The following S100Z variants were observed in gnomAD, a reference collection of about 807,000 sequenced individuals.
S100Z encodes the protein protein S100-Z.
A neutral mutation model predicts 8.5 loss-of-function variants in S100Z; 11 were observed. The observed-to-expected ratio is 1.30, with a 90% CI of 0.82 to 2.15. S100Z has a LOEUF of 2.15. S100Z is among the 30% of genes most tolerant of loss of function. The pLI, the probability that S100Z is intolerant of heterozygous loss-of-function variation, is 0.00. For synonymous variants in S100Z, 34 were observed against 43.8 expected (o/e 0.78, Z 0.89); for missense variants, 126 against 117.9 (o/e 1.07, Z -0.32).
the S100Z span, among the ~76,000 whole-genome samples, chr5:76,942,094 C>G: frequency 6.6e-6 from 1 of 151,598 alleles, no homozygotes; most frequent in Non-Finnish European, 1.5e-5. Context: ...TGAATGGGAC[C>G]TACCATATAA....
At chr5:76,897,259 T>C (rs1744068056) in intron 4 of S100Z, among the ~76,000 whole-genome samples, 1 of 151,836 alleles carries the variant, frequency 6.6e-6, no homozygotes, top group Admixed American at 6.6e-5. Context: ...GAGACCATGG[T>C]GAAACCCCAT....
chr5:76,915,427 C>T (rs1053487109), intron 4 of S100Z, among the ~76,000 whole-genome samples: 1 of 151,390 alleles, frequency 6.6e-6, no homozygotes, highest in Non-Finnish European at 1.5e-5. Flanking sequence ...CATGGTGAAA[C>T]CCCCTCTCCA....
chr5:76,863,760 G>T (rs4704371), intron 1 of S100Z, among the ~76,000 whole-genome samples: 4 of 151,934 alleles, frequency 2.6e-5, no homozygotes, highest in Non-Finnish European at 5.9e-5. Flanking sequence ...GGATGGTCTC[G>T]ATCTCCTGAC....
At chr5:76,916,567 C>T (rs1744861047) in intron 4 of S100Z, among the ~76,000 whole-genome samples, 1 of 151,188 alleles carries the variant, frequency 6.6e-6, no homozygotes, top group African/African-American at 2.4e-5. Context: ...AAATTAATAC[C>T]CATTGAAATC....
chr5:76,887,364 TG>T (rs1469579587), intron 4 of S100Z, among the ~76,000 whole-genome samples: 1 of 146,450 alleles, frequency 6.8e-6, no homozygotes, highest in Admixed American at 7.0e-5. Context: ...CCCAAAGTGC[TG>T]GGATTACAGT....
intron 1 of S100Z, among the ~76,000 whole-genome samples, chr5:76,869,890 G>C (rs1009261240): frequency 3.3e-5 from 5 of 152,066 alleles, no homozygotes; most frequent in Admixed American, 1.3e-4. Context: ...CAGCGTGGCG[G>C]TGCCCACTTG....
intron 1 of S100Z, among the ~76,000 whole-genome samples, chr5:76,858,213 T>G (rs541899962): frequency 5.9e-5 from 9 of 152,248 alleles, no homozygotes; most frequent in Admixed American, 2.0e-4. Context: ...CCAACTGGCT[T>G]AGGGAACATG....
intron 4 of S100Z, among the ~76,000 whole-genome samples, chr5:76,898,536 C>T (rs1043818322): frequency 2.6e-5 from 4 of 152,120 alleles, no homozygotes; most frequent in Non-Finnish European, 4.4e-5. Context: ...TTGTCAAATA[C>T]CTTTTCAGCA....
the S100Z span, among the ~76,000 whole-genome samples, chr5:76,950,137 C>G: frequency 6.6e-6 from 1 of 152,092 alleles, no homozygotes; most frequent in Non-Finnish European, 1.5e-5. Context: ...AACATTTCAA[C>G]TAATCGATTA....
At chr5:76,943,294 C>T in the S100Z span, among the ~76,000 whole-genome samples, 1 of 152,152 alleles carries the variant, frequency 6.6e-6, no homozygotes, top group Non-Finnish European at 1.5e-5. Flanking sequence ...TAGTGGCTTC[C>T]TGGTAGCTGG....
At chr5:76,922,195 C>G (rs972009871), downstream of S100Z, among the ~76,000 whole-genome samples, 3 of 152,128 alleles carry the variant, frequency 2.0e-5, no homozygotes, top group African/African-American at 7.2e-5. Flanking sequence ...GAGAGACTCT[C>G]TCTGGAATTT....
At chr5:76,906,968 GTGTGTGTGTA>G (rs1744443949) in intron 4 of S100Z, among the ~76,000 whole-genome samples, 2 of 23,960 alleles carry the variant, frequency 8.3e-5, no homozygotes, top group African/African-American at 1.0e-3. Flanking sequence ...GTATTCCATT[GTGTGTGTGTA>G]TATATATATA....
intron 4 of S100Z, among the ~76,000 whole-genome samples, chr5:76,901,560 G>T (rs1744226299): frequency 6.6e-6 from 1 of 152,168 alleles, no homozygotes; most frequent in Non-Finnish European, 1.5e-5. Context: ...TAAGGCCCAA[G>T]GGCTCTTCAG....
chr5:76,887,161 A>G (rs1266897401), intron 4 of S100Z, among the ~76,000 whole-genome samples: 1 of 151,126 alleles, frequency 6.6e-6, no homozygotes, highest in Non-Finnish European at 1.5e-5. Flanking sequence ...CAGTGGCGCA[A>G]TCTCAGCTCA....
At chr5:76,919,578 CTCTT>C (rs1366733791) in intron 4 of S100Z, among the ~76,000 whole-genome samples, 1 of 63,238 alleles carries the variant, frequency 1.6e-5, no homozygotes, top group Non-Finnish European at 3.1e-5. Flanking sequence ...CTCTCTCTCT[CTCTT>C]TCTCTCTCCC....
the S100Z span, among the ~76,000 whole-genome samples, chr5:76,945,098 G>C: frequency 0.011 from 1,634 of 152,258 alleles, 37 homozygotes; most frequent in African/African-American, 0.038. Context: ...CCCCAACCTT[G>C]AGCTCACAAA....
At chr5:76,878,101 G>A (rs557257921) in intron 4 of S100Z, 67 of 215,044 alleles carry the variant, frequency 3.1e-4, no homozygotes, top group African/African-American at 1.5e-3. Context: ...CAAAACGAGG[G>A]CATTACAAAA....
At chr5:76,892,500 A>G (rs905152022) in intron 4 of S100Z, among the ~76,000 whole-genome samples, 3 of 152,228 alleles carry the variant, frequency 2.0e-5, no homozygotes, top group African/African-American at 7.2e-5. Flanking sequence ...GTGAGTCTCA[A>G]CTACTTTAGA....
chr5:76,877,222 A>C (rs1401162543), intron 3 of S100Z, among the ~76,000 whole-genome samples: 1 of 152,194 alleles, frequency 6.6e-6, no homozygotes, highest in Non-Finnish European at 1.5e-5. Flanking sequence ...TATCCCTGAA[A>C]TGTGTGGATA....
Sources: gnomAD v4.1 joint callset for allele counts (sites outside exome capture counted in the v4.1 genomes callset) on GRCh38, gnomAD v4.1.1 for gene constraint, MANE v1.5 for transcripts, NCBI Gene and HGNC (gene_info 2026-07-23, HGNC 2026-07-21) for gene names.